TMTC1: variants seen among roughly 807,000 people sequenced by gnomAD.
TMTC1 encodes the protein transmembrane O-mannosyltransferase targeting cadherins 1.
TMTC1 carries 73 observed loss-of-function variants against 104.8 expected under a neutral mutation model. The ratio of observed to expected loss-of-function variants is 0.70; its 90% CI spans 0.58 to 0.85. The LOEUF is 0.85. TMTC1 is among the 40% of genes least tolerant of loss of function. The pLI is 0.00. For missense variants in TMTC1, 1,035 were observed against 1,096.1 expected, an observed-to-expected ratio of 0.94 and a Z score of 0.79; for synonymous variants, 434 against 428.7, an observed-to-expected ratio of 1.01 and a Z score of -0.15.
At chr12:29,695,813 ATATATATATAT>A (rs1244272488) in intron 5 of TMTC1, among the ~76,000 whole-genome samples, 7 of 112,994 alleles carry the variant, frequency 6.2e-5, no homozygotes, top group African/African-American at 2.3e-4. Context: ...ATATATATAT[ATATATATATAT>A]ATATAACCTG....
intron 3 of TMTC1, among the ~76,000 whole-genome samples, chr12:29,756,263 A>G (rs187251242): frequency 6.6e-6 from 1 of 152,330 alleles, no homozygotes; most frequent in East Asian, 1.9e-4. Flanking sequence ...CCGTCAATTA[A>G]CAGGATAATA....
At chr12:29,614,976 A>T (rs73268023) in intron 6 of TMTC1, among the ~76,000 whole-genome samples, 99 of 152,354 alleles carry the variant, frequency 6.5e-4, no homozygotes, top group African/African-American at 2.4e-3. Context: ...CCAAATCAGA[A>T]GGAACTGTGG....
intron 5 of TMTC1, among the ~76,000 whole-genome samples, chr12:29,635,602 T>C (rs561862304): frequency 6.6e-6 from 1 of 152,334 alleles, no homozygotes; most frequent in African/African-American, 2.4e-5. Flanking sequence ...TAATCAACTT[T>C]AACATCACTG....
intron 5 of TMTC1, among the ~76,000 whole-genome samples, chr12:29,641,466 G>A (rs1020100488): frequency 2.0e-5 from 3 of 152,090 alleles, no homozygotes; most frequent in African/African-American, 7.2e-5. Flanking sequence ...AGATTCAATG[G>A]GTGGCTAGAT....
chr12:29,515,992 C>T (rs1943974718), intron 15 of TMTC1, among the ~76,000 whole-genome samples: 1 of 150,832 alleles, frequency 6.6e-6, no homozygotes, highest in South Asian at 2.1e-4. Flanking sequence ...ATCCTCATAA[C>T]AACCCTGTAA....
rs1436273841 is a variant in TMTC1 at position 29,773,585 on chromosome 12, C to A, written c.303-5510G>T. Among the ~76,000 whole-genome samples, 3 of 152,134 alleles carry A rather than the reference C, an allele frequency of 2.0e-5. No homozygotes were observed. The East Asian group carries it at 5.8e-4, about 29-fold the overall frequency. ...CTGCAAACTGGGTAAGACATCATGACTCTACATGTGGTGACCCAAGCCTGA... is the reference window on the plus strand; with the variant it reads ...CTGCAAACTGGGTAAGACATCATGAATCTACATGTGGTGACCCAAGCCTGA... On this transcript the variant is annotated intron_variant, in intron 1 of 17. Coordinates refer to ENST00000539277, the MANE Select transcript of TMTC1 (RefSeq NM_001193451.2).
At position 29,555,877 on chromosome 12, in the gene TMTC1, C is replaced by T. The variant is rs181546343; in HGVS notation, c.1676+980G>A. On this transcript the variant is annotated intron_variant, in intron 10 of 17. Transcript: ENST00000539277. ...GCTGGGTCAAATGGTATTTCTGGTT[C>T]CAGATCCTTGAGGAATCACCACACT... Among the ~76,000 whole-genome samples the T allele has an allele frequency of 6.8e-4, 104 of 152,164 alleles. 2 individuals are homozygous for T. In the South Asian group the frequency reaches 7.9e-3, roughly 12 times the overall value.
intron 10 of TMTC1, among the ~76,000 whole-genome samples, chr12:29,544,494 C>T (rs1481753849): frequency 2.0e-5 from 3 of 152,224 alleles, no homozygotes; most frequent in South Asian, 4.1e-4. Context: ...AATGTTAGTC[C>T]TGAGTTCCTC....
intron 6 of TMTC1, among the ~76,000 whole-genome samples, chr12:29,616,055 G>T (rs1234700332): frequency 6.6e-6 from 1 of 152,112 alleles, no homozygotes; most frequent in African/African-American, 2.4e-5. Context: ...TTCATGATAC[G>T]CCCCTTTTGG....
At chr12:29,691,467 CTGG>C in intron 5 of TMTC1, among the ~76,000 whole-genome samples, 1 of 108,978 alleles carries the variant, frequency 9.2e-6, no homozygotes, top group Non-Finnish European at 2.0e-5. Flanking sequence ...TCCCACACAG[CTGG>C]CTCTGTGTGA....
chr12:29,704,308 T>C (rs1297849779), intron 5 of TMTC1, among the ~76,000 whole-genome samples: 1 of 152,174 alleles, frequency 6.6e-6, no homozygotes, highest in Non-Finnish European at 1.5e-5. Context: ...CTTTGTATCA[T>C]CAAAAACTAA....
At chr12:29,609,000 G>A (rs183591962) in intron 6 of TMTC1, among the ~76,000 whole-genome samples, 1 of 152,250 alleles carries the variant, frequency 6.6e-6, no homozygotes, top group African/African-American at 2.4e-5. Flanking sequence ...GTGTGTGGGT[G>A]TTAATAAAAA....
At chr12:29,620,586 G>A (rs1274103947) in intron 6 of TMTC1, among the ~76,000 whole-genome samples, 3 of 152,204 alleles carry the variant, frequency 2.0e-5, no homozygotes, top group East Asian at 3.8e-4. Flanking sequence ...CAGTACAATG[G>A]ATCTTTAAAT....
At chr12:29,726,930 C>T (rs1942409167) in intron 5 of TMTC1, among the ~76,000 whole-genome samples, 1 of 152,214 alleles carries the variant, frequency 6.6e-6, no homozygotes, top group Non-Finnish European at 1.5e-5. Context: ...GAATTATGTA[C>T]ACAGGAAAAC....
intron 1 of TMTC1, among the ~76,000 whole-genome samples, chr12:29,769,166 G>A (rs769372292): frequency 7.9e-5 from 12 of 152,260 alleles, no homozygotes; most frequent in South Asian, 2.1e-4. Flanking sequence ...AATAATTGAC[G>A]TAATTCATGC....
intron 6 of TMTC1, among the ~76,000 whole-genome samples, chr12:29,612,823 G>C (rs953782659): frequency 6.6e-6 from 1 of 152,166 alleles, no homozygotes; most frequent in Non-Finnish European, 1.5e-5. Context: ...TTACTGACTT[G>C]TAAGTCGATA....
At chr12:29,513,613 A>C (rs1297156936) in intron 16 of TMTC1, among the ~76,000 whole-genome samples, 1 of 152,208 alleles carries the variant, frequency 6.6e-6, no homozygotes, top group Admixed American at 6.5e-5. Context: ...TTCCTATAAT[A>C]TATTTAGTAT....
At chr12:29,625,102 G>A (rs7955592) in intron 6 of TMTC1, among the ~76,000 whole-genome samples, 41,656 of 152,024 alleles carry the variant, frequency 0.27, 6,041 homozygotes, top group African/African-American at 0.37. Flanking sequence ...TACACAACTC[G>A]TTTGGAAATA....
intron 5 of TMTC1, among the ~76,000 whole-genome samples, chr12:29,719,016 A>G (rs1008772862): frequency 6.6e-6 from 1 of 151,996 alleles, no homozygotes; most frequent in Non-Finnish European, 1.5e-5. Context: ...AAATGATACG[A>G]TCTGAAGAAA....
Sources: allele counts gnomAD v4.1 joint callset (sites outside exome capture counted in the v4.1 genomes callset), GRCh38; gene constraint gnomAD v4.1.1; transcripts MANE v1.5; gene names NCBI Gene and HGNC (gene_info 2026-07-23, HGNC 2026-07-21).